The following HHAT variants were observed in gnomAD, a reference collection of about 807,000 sequenced individuals.
HHAT encodes the protein protein-cysteine N-palmitoyltransferase HHAT.
Under a neutral mutation model 70.8 loss-of-function variants are expected in HHAT, and 47 were observed. The ratio of observed to expected loss-of-function variants is 0.66; its 90% CI spans 0.53 to 0.85. The LOEUF is 0.85. Among genes scored for constraint, HHAT ranks in the 40% least tolerant of loss-of-function variants. The pLI, the probability that HHAT is intolerant of heterozygous loss-of-function variation, is 0.00. For synonymous variants in HHAT, 228 were observed against 247.6 expected, an observed-to-expected ratio of 0.92 and a Z score of 0.74; for missense variants, 609 against 604.8, an observed-to-expected ratio of 1.01 and a Z score of -0.07.
At chr1:210,491,391 T>G (rs2148513788) in intron 8 of HHAT, among the ~76,000 whole-genome samples, 1 of 152,280 alleles carries the variant, frequency 6.6e-6, no homozygotes, top group East Asian at 1.9e-4. Context: ...CAAACTCCTA[T>G]GAGGAGCAAG....
At chr1:210,594,364 A>G (rs901466505) in intron 10 of HHAT, among the ~76,000 whole-genome samples, 13 of 152,168 alleles carry the variant, frequency 8.5e-5, no homozygotes, top group South Asian at 2.1e-4. Context: ...AAATAATCTT[A>G]TCACCCATTA....
At chr1:210,406,279 C>G (rs2092326497) in intron 6 of HHAT, among the ~76,000 whole-genome samples, 1 of 152,172 alleles carries the variant, frequency 6.6e-6, no homozygotes, top group South Asian at 2.1e-4. Flanking sequence ...TAAACTAAAT[C>G]CATTAGAAGG....
rs186555428 is a variant in HHAT at position 210,334,839 on chromosome 1, T to G, written c.-44+5735T>G. Among the ~76,000 whole-genome samples the G allele has an allele frequency of 3.9e-5, 6 of 152,100 alleles. No homozygotes were observed. The East Asian group carries it at 9.6e-4, about 24-fold the overall frequency. On this transcript the variant is annotated intron_variant, in intron 1 of 11. Transcript: ENST00000261458. ...GATTTCATGGTAATACATTTGAAAA[T>G]TCAGATGAAATTGACAGGTTTTTCC...
intron 10 of HHAT, among the ~76,000 whole-genome samples, chr1:210,623,163 C>T (rs1384310328): frequency 6.6e-6 from 1 of 152,194 alleles, no homozygotes; most frequent in African/African-American, 2.4e-5. Flanking sequence ...CCTCGAACTC[C>T]CGGGCTGAAG....
chr1:210,660,319 T>G (rs906249846), intron 11 of HHAT, among the ~76,000 whole-genome samples: 2 of 152,122 alleles, frequency 1.3e-5, no homozygotes, highest in African/African-American at 4.8e-5. Context: ...TCACAATTGC[T>G]TCAAAGAGAA....
chr1:210,623,634 G>C lies in HHAT; in HGVS notation c.1354G>C (p.Val452Leu). 1 of 1,614,024 alleles carries C rather than the reference G, an allele frequency of 6.2e-7. No individual in the cohort carries two copies. The highest frequency in any genetic ancestry group is 8.5e-7 in the Non-Finnish European group (1 of 1,179,958). Residue 452 changes from valine (V) to leucine (L), a missense_variant, in exon 11 of 12, where the codon GTT (valine) becomes CTT (leucine). Physicochemically the swap from Val to Leu is conservative, Grantham distance 32. Transcript: ENST00000261458. ...CCTGGTATTTCTTGGGGGCAATGAG[G>C]TTGGGAAAACCTACTGGAATAGGAT... Reference protein sequence around the residue: ...SNLVFLGGNEVGKTYWNRIFI... With the variant: ...SNLVFLGGNELGKTYWNRIFI...
intron 1 of HHAT, among the ~76,000 whole-genome samples, chr1:210,336,774 C>A (rs2085536647): frequency 6.6e-6 from 1 of 151,912 alleles, no homozygotes; most frequent in Non-Finnish European, 1.5e-5. Context: ...CAGAGTGAGA[C>A]CCTGTTTAAG....
At chr1:210,442,195 G>T (rs1304822988) in intron 7 of HHAT, among the ~76,000 whole-genome samples, 19 of 139,326 alleles carry the variant, frequency 1.4e-4, no homozygotes, top group Non-Finnish European at 2.2e-4. Context: ...ATTTTTTATG[G>T]CTGCATAGTA....
At chr1:210,513,870 G>A (rs2095004258) in intron 9 of HHAT, among the ~76,000 whole-genome samples, 1 of 152,130 alleles carries the variant, frequency 6.6e-6, no homozygotes, top group Admixed American at 6.5e-5. Flanking sequence ...AAATATTGAG[G>A]GAAGCAGAAA....
chr1:210,609,407 T>A (rs1666152778), intron 10 of HHAT, among the ~76,000 whole-genome samples: 2 of 135,044 alleles, frequency 1.5e-5, no homozygotes, highest in African/African-American at 4.9e-5. Flanking sequence ...AGTGAAATTT[T>A]AAAAAATGTA....
In HHAT at chr1:210,674,288, G is replaced by C. The variant is rs1473013625; in HGVS notation, c.1391G>C (p.Gly464Ala). The change falls in exon 12 of 12, where the codon GGC becomes GCC. Residue 464 changes from glycine (G) to alanine (A), a missense_variant and splice_region_variant. Gly to Ala is a moderately conservative substitution (Grantham distance 60). Transcript: ENST00000261458. ...TTCCATCTCTGTCCTCCCTCTGCAGGCTGGCCTTGGGTGACCCTCTCTGTC... is the reference window on the plus strand; with the variant it reads ...TTCCATCTCTGTCCTCCCTCTGCAGCCTGGCCTTGGGTGACCCTCTCTGTC... ...KTYWNRIFIQ[G>A]WPWVTLSVLG... The C allele has an allele frequency of 2.5e-6, 4 of 1,613,080 alleles. No individual in the cohort carries two copies. Among genetic ancestry groups the C allele is most frequent in the Admixed American group, 1.7e-5 (1 of 60,022 alleles).
chr1:210,399,114 T>C (rs557454634), intron 4 of HHAT, among the ~76,000 whole-genome samples: 16 of 152,256 alleles, frequency 1.1e-4, no homozygotes, highest in African/African-American at 1.4e-4. Context: ...CAGGCACTTA[T>C]CACTTTTCAA....
chr1:210,516,767 A>G (rs562842273), intron 9 of HHAT, among the ~76,000 whole-genome samples: 3 of 152,250 alleles, frequency 2.0e-5, no homozygotes, highest in African/African-American at 7.2e-5. Context: ...ATGCCCTGAA[A>G]TTAATCAGCT....
At chr1:210,398,555 T>G (rs1437398679) in intron 4 of HHAT, among the ~76,000 whole-genome samples, 1 of 152,194 alleles carries the variant, frequency 6.6e-6, no homozygotes, top group African/African-American at 2.4e-5. Context: ...TGAAGCTTCT[T>G]TCAGCATTTT....
chr1:210,507,921 C>T (rs1002022207), intron 8 of HHAT, among the ~76,000 whole-genome samples: 19 of 151,812 alleles, frequency 1.3e-4, no homozygotes, highest in South Asian at 6.3e-4. Context: ...ATAGCATGGC[C>T]GGGCATGGTG....
intron 11 of HHAT, among the ~76,000 whole-genome samples, chr1:210,638,683 C>T (rs567869222): frequency 4.6e-5 from 6 of 130,614 alleles, no homozygotes; most frequent in East Asian, 2.2e-4. Flanking sequence ...TCCAGGATTT[C>T]GAGACCAGCT....
At chr1:210,410,523 ATTTTTT>A (rs35608235) in intron 6 of HHAT, among the ~76,000 whole-genome samples, 2 of 116,432 alleles carry the variant, frequency 1.7e-5, no homozygotes, top group South Asian at 2.9e-4. Context: ...TTATTTGTAA[ATTTTTT>A]TTTTTTTTTT....
chr1:210,421,603 C>T (rs2148286907), intron 7 of HHAT, among the ~76,000 whole-genome samples: 1 of 152,162 alleles, frequency 6.6e-6, no homozygotes, highest in South Asian at 2.1e-4. Context: ...CACCACCGTG[C>T]CCAGCTAATT....
intron 8 of HHAT, among the ~76,000 whole-genome samples, chr1:210,468,757 T>C (rs1006670957): frequency 4.6e-5 from 7 of 151,900 alleles, no homozygotes; most frequent in African/African-American, 7.3e-5. Context: ...GGTCCTGGAG[T>C]TGGTGAAGTA....
Sources: allele counts gnomAD v4.1 joint callset (sites outside exome capture counted in the v4.1 genomes callset), GRCh38; gene constraint gnomAD v4.1.1; transcripts MANE v1.5; gene names NCBI Gene and HGNC (gene_info 2026-07-23, HGNC 2026-07-21).